The following DAB1 variants were observed in gnomAD, a reference collection of about 807,000 sequenced individuals.
DAB1 encodes the protein disabled homolog 1.
In DAB1, 15 loss-of-function variants were observed where a neutral mutation model predicts 64.6. The observed-to-expected ratio is 0.23, with a 90% CI of 0.16 to 0.36. DAB1 has a LOEUF of 0.36. Among genes scored for constraint, DAB1 ranks in the 10% least tolerant of loss-of-function variants. The pLI, the probability that DAB1 is intolerant of heterozygous loss-of-function variation, is 1.00. For synonymous variants in DAB1, 235 were observed against 251.9 expected (o/e 0.93, Z 0.64); for missense variants, 596 against 706.7 (o/e 0.84, Z 1.78).
chr1:57,637,971 T>C lies in DAB1; in HGVS notation n.625+11621A>G, dbSNP rs184154022. ...TTCAGTTGTTTACAATGATTGTTAC[T>C]GAGAGTATTTGGCAGCATAGAGAAA... On this transcript the variant is annotated intron_variant and non_coding_transcript_variant, in intron 7 of 20. Transcript: ENST00000485760. 5.7e-3 allele frequency among the ~76,000 whole-genome samples: 875 copies of C among 152,306 alleles called. 8 individuals are homozygous for C. Among genetic ancestry groups the C allele is most frequent in the Non-Finnish European group, 9.8e-3 (670 of 68,026 alleles).
At chr1:58,327,099 T>A (rs1662847060) in intron 4 of DAB1, among the ~76,000 whole-genome samples, 2 of 152,230 alleles carry the variant, frequency 1.3e-5, no homozygotes, top group South Asian at 4.1e-4. Flanking sequence ...TGATTAAAAT[T>A]TTCCACAATT....
chr1:58,082,815 AG>A (rs1262797539), intron 5 of DAB1, among the ~76,000 whole-genome samples: 1 of 151,600 alleles, frequency 6.6e-6, no homozygotes. Flanking sequence ...GGTGGGGGGG[AG>A]GGGTGGCCAC....
In DAB1 at chr1:57,786,488, G is replaced by A. The variant is rs979794755; in HGVS notation, n.551+97511C>T. 2.0e-5 allele frequency among the ~76,000 whole-genome samples: 3 copies of A among 152,118 alleles called. No homozygotes were observed. In the South Asian group the frequency reaches 6.2e-4, roughly 32 times the overall value. ...ATCTCTAACTTATAAAAGTGGAGATGGAAGTTTATCAAAATTAGCTTGCCC... is the reference window on the plus strand; with the variant it reads ...ATCTCTAACTTATAAAAGTGGAGATAGAAGTTTATCAAAATTAGCTTGCCC... On this transcript the variant is annotated intron_variant and non_coding_transcript_variant, in intron 6 of 20. Coordinates refer to the DAB1 transcript ENST00000485760.
intron 2 of DAB1, among the ~76,000 whole-genome samples, chr1:57,285,928 A>T (rs1486076052): frequency 1.3e-5 from 2 of 152,226 alleles, no homozygotes; most frequent in African/African-American, 4.8e-5. Context: ...TCCTCCTTTG[A>T]TGGCAGGTAA....
chr1:57,581,905 G>A (rs1645317832), intron 7 of DAB1, among the ~76,000 whole-genome samples: 1 of 152,120 alleles, frequency 6.6e-6, no homozygotes, highest in South Asian at 2.1e-4. Context: ...AGACTGGGCA[G>A]CTTAAACAGG....
At chr1:57,363,266 G>A (rs1558240988) in intron 1 of DAB1, among the ~76,000 whole-genome samples, 1 of 152,102 alleles carries the variant, frequency 6.6e-6, no homozygotes, top group South Asian at 2.1e-4. Flanking sequence ...CAGAAACCAC[G>A]GACACTCTCT....
At chr1:57,020,583 A>G (rs971737074) in intron 11 of DAB1, among the ~76,000 whole-genome samples, 3 of 152,206 alleles carry the variant, frequency 2.0e-5, no homozygotes, top group Admixed American at 1.3e-4. Flanking sequence ...CCTAAACTTT[A>G]TTACAGGCAC....
chr1:57,746,051 C>T (rs141516433), intron 6 of DAB1, among the ~76,000 whole-genome samples: 125 of 152,224 alleles, frequency 8.2e-4, no homozygotes, highest in African/African-American at 2.8e-3. Context: ...TTAACTGTCT[C>T]ATTATGTAAA....
intron 5 of DAB1, among the ~76,000 whole-genome samples, chr1:57,998,389 C>CTTTTT (rs3991037): frequency 7.8e-6 from 1 of 128,800 alleles, no homozygotes; most frequent in African/African-American, 3.0e-5. Context: ...TTTTTTCTCT[C>CTTTTT]TTTTTTTTTT....
chr1:57,613,677 T>G (rs1246008705), intron 7 of DAB1, among the ~76,000 whole-genome samples: 1 of 152,152 alleles, frequency 6.6e-6, no homozygotes, highest in East Asian at 1.9e-4. Context: ...AACAGGAAAT[T>G]CAAAACTTTT....
chr1:57,302,563 T>C (rs1223625929), intron 1 of DAB1, among the ~76,000 whole-genome samples: 1 of 152,050 alleles, frequency 6.6e-6, no homozygotes, highest in Admixed American at 6.5e-5. Flanking sequence ...TGGATTCTTA[T>C]TTAATTGGTT....
chr1:58,322,816 A>C (rs536666842), intron 4 of DAB1, among the ~76,000 whole-genome samples: 1 of 152,332 alleles, frequency 6.6e-6, no homozygotes, highest in African/African-American at 2.4e-5. Context: ...CACTATTCAC[A>C]ATAGCAAAGA....
In DAB1 at chr1:57,678,761, G is replaced by GTTTTT. The variant is rs143885937; in HGVS notation, n.552-29101_552-29097dup. On this transcript the variant is annotated intron_variant and non_coding_transcript_variant, in intron 6 of 20. Coordinates refer to the DAB1 transcript ENST00000485760. Reference sequence around the variant, plus strand: ...CTGGCATTCGTCCAGTGAGGCAACTGTTTTTTGTTTTTTTTTTCTTTGTTT... The same window carrying GTTTTT: ...CTGGCATTCGTCCAGTGAGGCAACTGTTTTTTTTTTTGTTTTTTTTTTCTTTGTTT... 1.8e-4 allele frequency among the ~76,000 whole-genome samples: 24 copies of GTTTTT among 135,806 alleles called. 3 individuals are homozygous for GTTTTT. The highest frequency in any genetic ancestry group is 4.8e-4 in the South Asian group (2 of 4,126). 89.1% of individuals were successfully genotyped at this position (135,806 alleles called of 152,430 possible).
chr1:58,212,668 T>C (rs1658618480), intron 4 of DAB1, among the ~76,000 whole-genome samples: 1 of 152,212 alleles, frequency 6.6e-6, no homozygotes, highest in East Asian at 1.9e-4. Context: ...TAAACTCATC[T>C]TATCTCATAT....
intron 3 of DAB1, among the ~76,000 whole-genome samples, chr1:58,344,292 A>C (rs1230384812): frequency 1.3e-5 from 2 of 152,182 alleles, no homozygotes. Flanking sequence ...AAGAATAAGG[A>C]AGATCCTCAA....
chr1:58,358,949 CTGTA>C (rs1236477765), intron 3 of DAB1, among the ~76,000 whole-genome samples: 3 of 97,326 alleles, frequency 3.1e-5, no homozygotes, highest in African/African-American at 8.8e-5. Flanking sequence ...CTCTCTCTCT[CTGTA>C]ACACACACAC....
chr1:58,022,473 A>G (rs1471065574), intron 5 of DAB1, among the ~76,000 whole-genome samples: 5 of 152,188 alleles, frequency 3.3e-5, no homozygotes. Context: ...ATTTGCCTCC[A>G]GGAACTTCAG....
At chr1:57,797,830 A>G (rs1463919489) in intron 6 of DAB1, among the ~76,000 whole-genome samples, 1 of 148,624 alleles carries the variant, frequency 6.7e-6, no homozygotes, top group Admixed American at 6.8e-5. Flanking sequence ...TGGGGTTTTC[A>G]GGAAGACTAA....
At chr1:57,756,353 G>C (rs1194875888) in intron 6 of DAB1, among the ~76,000 whole-genome samples, 2 of 152,160 alleles carry the variant, frequency 1.3e-5, no homozygotes, top group Non-Finnish European at 2.9e-5. Flanking sequence ...GGAGTTCATA[G>C]GAGAAAGGTG....
Sources: allele counts gnomAD v4.1 joint callset (sites outside exome capture counted in the v4.1 genomes callset), GRCh38; gene constraint gnomAD v4.1.1; transcripts MANE v1.5; gene names NCBI Gene and HGNC (gene_info 2026-07-23, HGNC 2026-07-21).